The following ARAP3 variants were observed in gnomAD, a reference collection of about 807,000 sequenced individuals.
The protein encoded by ARAP3 is arf-GAP with Rho-GAP domain, ANK repeat and PH domain-containing protein 3.
A neutral mutation model predicts 169.2 loss-of-function variants in ARAP3; 82 were observed. The ratio of observed to expected loss-of-function variants is 0.48; its 90% CI spans 0.41 to 0.58. The LOEUF (loss-of-function observed/expected upper bound fraction) is 0.58, where lower values mean the gene tolerates loss of function less well. Among genes scored for constraint, ARAP3 ranks in the 20% least tolerant of loss-of-function variants. The pLI, the probability that ARAP3 is intolerant of heterozygous loss-of-function variation, is 0.00. For synonymous variants in ARAP3, 791 were observed against 800.3 expected (o/e 0.99, Z 0.20); for missense variants, 1,764 against 2,018.0 (o/e 0.87, Z 2.41).
At chr5:141,680,661 C>T in intron 1 of ARAP3, 158 bp from the exon 2 acceptor site, 1 of 1,137,476 alleles carries the variant, frequency 8.8e-7, no homozygotes, top group Non-Finnish European at 1.2e-6. Context: ...CCCAGAACAA[C>T]AGCAATGGCT....
At position 141,665,499 on chromosome 5, in the gene ARAP3, C is replaced by G. The variant is rs1244045223; in HGVS notation, c.2573-125G>C. ...ATTACAAAAAACGTTCAGTTGAATC[C>G]TATGAGTTATGTACTATTATTCCCA... is the stretch of plus-strand genomic sequence containing the variant. On this transcript the variant is annotated intron_variant, in intron 17 of 32. Transcript: ENST00000239440. 3.1e-6 allele frequency: 3 copies of G among 970,468 alleles called. 1 individual carries two copies. The highest frequency in any genetic ancestry group is 4.7e-6 in the Non-Finnish European group (3 of 638,552). 60.1% of individuals were successfully genotyped at this position (970,468 alleles called of 1,614,324 possible).
At chr5:141,674,319 G>A (rs900087077) in intron 4 of ARAP3, among the ~76,000 whole-genome samples, 2 of 152,148 alleles carry the variant, frequency 1.3e-5, no homozygotes, top group Admixed American at 6.5e-5. Context: ...GTGCAGTGGT[G>A]CAATCATGGC....
intron 18 of ARAP3, 44 bp downstream of exon 18, chr5:141,665,267 G>T: frequency 6.2e-7 from 1 of 1,609,108 alleles, no homozygotes; most frequent in African/African-American, 1.3e-5. Context: ...TATGGGCTCT[G>T]CTCCAGGAAG....
Position 141,671,688 on chromosome 5 carries a change from T to A in ARAP3, c.1736A>T (p.Glu579Val). The A allele has an allele frequency of 6.2e-7, 1 of 1,613,098 alleles. No individual in the cohort carries two copies. The highest frequency in any genetic ancestry group is 8.5e-7 in the Non-Finnish European group (1 of 1,179,504). ...AGGGGTCGCATCTGGATGTAGTCCC[T>A]CACCTGGGGGTAGGGTCCCTGCCCA... ...RFWAGTLPPG[E>V]GLHPDATPGP... is the part of the protein sequence containing the mutation. The change falls in exon 12 of 33, where the codon GAG becomes GTG. Residue 579 changes from glutamate (E) to valine (V), a missense_variant. Around this residue, in one of 3 missense-constraint regions of ARAP3, gnomAD observed 1,112 missense variants for 1,285.7 expected, o/e 0.86. Coordinates refer to ENST00000239440, the MANE Select transcript of ARAP3 (RefSeq NM_022481.6). This position sits in a 1 kb window ranked among gnomAD's most constrained non-coding sequence, Gnocchi z 4.9.
chr5:141,662,923 A>T (rs1399931350), intron 19 of ARAP3, among the ~76,000 whole-genome samples: 3 of 152,162 alleles, frequency 2.0e-5, no homozygotes, highest in African/African-American at 7.2e-5. Flanking sequence ...AATATATATA[A>T]AATAAGGTCT....
Position 141,666,624 on chromosome 5 carries a change from C to T in ARAP3, c.2372G>A (p.Cys791Tyr), listed in dbSNP as rs2099910681. The T allele has an allele frequency of 3.5e-6, 5 of 1,442,652 alleles. No homozygotes were observed. Among genetic ancestry groups the T allele is most frequent in the Non-Finnish European group, 4.6e-6 (5 of 1,091,344 alleles). 89.4% of individuals were successfully genotyped at this position (1,442,652 alleles called of 1,614,324 possible). ...AVGKWFSPLS[C>Y]HQLLGPGLLR... The stretch of plus-strand genomic sequence containing the variant: ...CAGCCCGGGGCCCAGCAGCTGGTGG[C>T]AGCTCAGCGGGGAGAACCACTGTAG... The change falls in exon 17 of 33, where the codon TGC becomes TAC. Residue 791 changes from cysteine (C) to tyrosine (Y), a missense_variant. Physicochemically the swap from Cys to Tyr is radical, Grantham distance 194 (BLOSUM62 -2). Around this residue, in one of 3 missense-constraint regions of ARAP3, gnomAD observed 1,112 missense variants for 1,285.7 expected, o/e 0.86. Coordinates refer to ENST00000239440, the MANE Select transcript of ARAP3 (RefSeq NM_022481.6).
In ARAP3 at chr5:141,671,216, G is replaced by A. The variant is rs776830479; in HGVS notation, c.1990+49C>T. 6.5e-7 allele frequency: 1 copy of A among 1,546,316 alleles called. No individual in the cohort carries two copies. The highest frequency in any genetic ancestry group is 8.7e-7 in the Non-Finnish European group (1 of 1,145,222). ...CCTTGGAAGAACTGAATCATAGGTT[G>A]GGTCTGAGAATTCCTGTAGGGGAGA... is the stretch of plus-strand genomic sequence containing the variant. On this transcript the variant is annotated intron_variant, in intron 13 of 32. Transcript: ENST00000239440. This position sits in a 1 kb window ranked among gnomAD's most constrained non-coding sequence, Gnocchi z 4.9.
intron 19 of ARAP3, among the ~76,000 whole-genome samples, chr5:141,663,736 C>A (rs2099910284): frequency 6.6e-6 from 1 of 152,216 alleles, no homozygotes; most frequent in South Asian, 2.1e-4. Context: ...ATGTTATTAG[C>A]CACTGACTTT....
In ARAP3 at chr5:141,671,996, G is replaced by A. The variant is rs747401116; in HGVS notation, c.1586-16C>T. Reference sequence around the variant, plus strand: ...CGGTGCTGACCTGTGAGGGTGTGAGGGTGTGTGAGGGTGTGTGAGGGTGTG... The same window carrying A: ...CGGTGCTGACCTGTGAGGGTGTGAGAGTGTGTGAGGGTGTGTGAGGGTGTG... On this transcript the variant is annotated splice_polypyrimidine_tract_variant and intron_variant, in intron 10 of 32. Coordinates refer to ENST00000239440, the MANE Select transcript of ARAP3 (RefSeq NM_022481.6). The surrounding 1 kb of genome is among the most constrained non-coding windows in gnomAD (Gnocchi z 4.9). The A allele has an allele frequency of 1.1e-4, 180 of 1,585,678 alleles. 1 individual carries two copies. The highest frequency in any genetic ancestry group is 3.3e-4 in the Middle Eastern group (2 of 6,054).
chr5:141,667,783 T>G (rs2099910866), intron 16 of ARAP3, among the ~76,000 whole-genome samples: 1 of 149,804 alleles, frequency 6.7e-6, no homozygotes, highest in Admixed American at 6.6e-5. Context: ...GGCTCAAGCC[T>G]GTAATCCCAG....
In ARAP3 at chr5:141,669,905, C is replaced by T. The variant is rs1274865196; in HGVS notation, c.2249+17G>A. On this transcript the variant is annotated intron_variant, in intron 15 of 32. Coordinates refer to ENST00000239440, the MANE Select transcript of ARAP3 (RefSeq NM_022481.6). Reference sequence around the variant, plus strand: ...AGAGAAAAGGGGGAAGCTCAGTGGTCACAGAAGGGCTATTACCTGTCACCT... The same window carrying T: ...AGAGAAAAGGGGGAAGCTCAGTGGTTACAGAAGGGCTATTACCTGTCACCT... The T allele has an allele frequency of 6.2e-7, 1 of 1,606,648 alleles. No homozygotes were observed. Among genetic ancestry groups the T allele is most frequent in the Non-Finnish European group, 8.5e-7 (1 of 1,175,164 alleles).
At position 141,680,404 on chromosome 5, in the gene ARAP3, T is replaced by G; in HGVS notation, c.83A>C (p.His28Pro). Residue 28 changes from histidine (H) to proline (P), a missense_variant, in exon 2 of 33, where the codon CAT (histidine) becomes CCT (proline). Around this residue, in one of 3 missense-constraint regions of ARAP3, gnomAD observed 630 missense variants for 678.7 expected, o/e 0.93. Transcript: ENST00000239440. ...GGCTGCACCTGCTGTAGCCAGGCCA[T>G]GCCGTCGGAACGTGTCTGCATACTG... Reference protein sequence around the residue: ...LEQYADTFRRHGLATAGAARG... With the variant: ...LEQYADTFRRPGLATAGAARG... 1 of 1,613,914 alleles carries G rather than the reference T, an allele frequency of 6.2e-7. No homozygotes were observed. The highest frequency in any genetic ancestry group is 8.5e-7 in the Non-Finnish European group (1 of 1,180,028).
chr5:141,669,687 A>T (rs1321704261), intron 16 of ARAP3, 22 bp downstream of exon 16: 3 of 1,608,166 alleles, frequency 1.9e-6, no homozygotes, highest in Non-Finnish European at 2.6e-6. Flanking sequence ...GAGATGCTGC[A>T]GAGGGCGCTC....
intron 21 of ARAP3, among the ~76,000 whole-genome samples, chr5:141,660,569 C>T (rs1457426927): frequency 1.3e-5 from 2 of 151,756 alleles, no homozygotes; most frequent in Non-Finnish European, 2.9e-5. Context: ...TATTTACAAA[C>T]ATAGGCAACA....
chr5:141,663,853 C>T (rs544925669), intron 19 of ARAP3, among the ~76,000 whole-genome samples: 43 of 152,142 alleles, frequency 2.8e-4, no homozygotes, highest in Non-Finnish European at 5.3e-4. Flanking sequence ...CAGATTCAAC[C>T]GACATCAAAA....
intron 18 of ARAP3, 38 bp from the exon 19 acceptor site, chr5:141,665,123 C>A (rs1446039265): frequency 6.3e-7 from 1 of 1,590,770 alleles, no homozygotes; most frequent in African/African-American, 1.3e-5. Context: ...CCAGCTCCGA[C>A]AGGCCCAGAT....
chr5:141,681,684 C>T (rs2099912996), intron 1 of ARAP3, among the ~76,000 whole-genome samples: 1 of 152,208 alleles, frequency 6.6e-6, no homozygotes, highest in East Asian at 1.9e-4. Flanking sequence ...GTATCTGTGT[C>T]TCTGTCTGCC....
Position 141,662,067 on chromosome 5 carries a change from G to T in ARAP3, c.2989C>A (p.Leu997Met), listed in dbSNP as rs770244752. 3 of 1,614,088 alleles carry T rather than the reference G, an allele frequency of 1.9e-6. No individual in the cohort carries two copies. In the African/African-American group the frequency reaches 4.0e-5, roughly 22 times the overall value. ...LDDPVTSARLLPRWREAAELP... is the reference protein window; with the variant it reads ...LDDPVTSARLMPRWREAAELP... ...CCAGCAGCCTCCCTCCAGCGAGGCAGCAACCGTGCAGAGGTCACAGGGTCA... is the reference window on the plus strand; with the variant it reads ...CCAGCAGCCTCCCTCCAGCGAGGCATCAACCGTGCAGAGGTCACAGGGTCA... Residue 997 changes from leucine to methionine, a missense_variant, in exon 20 of 33, where the codon CTG becomes ATG. Leu to Met is a conservative substitution (Grantham distance 15). Coordinates refer to ENST00000239440, the MANE Select transcript of ARAP3 (RefSeq NM_022481.6).
Position 141,656,591 on chromosome 5 carries a change from C to G in ARAP3, c.3702G>C (p.Glu1234Asp), listed in dbSNP as rs1363213709. The G allele has an allele frequency of 2.5e-6, 4 of 1,613,106 alleles. No individual in the cohort carries two copies. The highest frequency in any genetic ancestry group is 3.4e-6 in the Non-Finnish European group (4 of 1,179,606). Reference protein sequence around the residue: ...SPRVGLLRCREEPPRLLGSRF... With the variant: ...SPRVGLLRCRDEPPRLLGSRF... Reference sequence around the variant, plus strand: ...GGCTTCCCAGCAAGCGAGGTGGCTCCTCACGACACCGCAACAGCCCCACCC... The same window carrying G: ...GGCTTCCCAGCAAGCGAGGTGGCTCGTCACGACACCGCAACAGCCCCACCC... Residue 1234 changes from glutamate (E) to aspartate (D), a missense_variant, in exon 27 of 33, where the codon GAG becomes GAC. Glu to Asp is a conservative substitution (Grantham distance 45). This residue lies in a region of ARAP3 where 1,112 missense variants were observed against 1,285.7 expected (regional missense o/e 0.86). Transcript: ENST00000239440.
Sources: allele counts gnomAD v4.1 joint callset (sites outside exome capture counted in the v4.1 genomes callset), GRCh38; gene constraint gnomAD v4.1.1; regional missense constraint gnomAD v4.1.1; non-coding constraint Gnocchi (gnomAD v3.1); transcripts MANE v1.5; gene names NCBI Gene and HGNC (gene_info 2026-07-23, HGNC 2026-07-21).